LY6G5C: variants seen among roughly 807,000 people sequenced by gnomAD.
The protein encoded by LY6G5C is lymphocyte antigen 6 complex locus protein G5c.
LY6G5C carries 6 observed loss-of-function variants against 10.5 expected under a neutral mutation model. That is an observed-to-expected ratio of 0.57 (90% CI 0.31 to 1.12). LY6G5C has a LOEUF of 1.12. Ranked by LOEUF, LY6G5C falls within the 50% of genes most tolerant of loss-of-function variation. The probability of loss-of-function intolerance (pLI) is 0.05; values close to 1 mark genes in which losing one functional copy is unlikely to be tolerated. For missense variants in LY6G5C, 160 were observed against 185.5 expected (o/e 0.86, Z 0.80); for synonymous variants, 69 against 67.8 (o/e 1.02, Z -0.09).
chr6:31,680,487 G>T, upstream of LY6G5C: 1 of 1,285,476 alleles, frequency 7.8e-7, no homozygotes, highest in Non-Finnish European at 1.1e-6. This position sits in a 1 kb window ranked among gnomAD's most constrained non-coding sequence, Gnocchi z 4.5. Flanking sequence ...CCAGCCAGAG[G>T]GGCAGAATGT....
upstream of LY6G5C, among the ~76,000 whole-genome samples, chr6:31,680,908 G>C (rs563297910): frequency 6.6e-6 from 1 of 152,182 alleles, no homozygotes; most frequent in Non-Finnish European, 1.5e-5. This position sits in a 1 kb window ranked among gnomAD's most constrained non-coding sequence, Gnocchi z 4.5. Flanking sequence ...TGGTCCGGCA[G>C]AAGACGAGCA....
intron 2 of LY6G5C, among the ~76,000 whole-genome samples, chr6:31,677,901 G>A (rs147849198): frequency 1.3e-5 from 2 of 152,146 alleles, no homozygotes; most frequent in East Asian, 1.9e-4. Flanking sequence ...GGGTAGTAGC[G>A]GGAGACTTTG....
Position 31,679,236 on chromosome 6 carries a change from GA to G in LY6G5C, c.153del (p.Gln52AsnfsTer21). 6.2e-7 allele frequency: 1 copy of G among 1,613,000 alleles called. No homozygotes were observed. The highest frequency in any genetic ancestry group is 1.1e-5 in the South Asian group (1 of 91,082). On this transcript the variant is annotated frameshift_variant, in exon 2 of 3. Coordinates refer to ENST00000383237, the Ensembl canonical transcript of LY6G5C. LOFTEE classifies it high-confidence loss of function. The surrounding 1 kb of genome is among the most constrained non-coding windows in gnomAD (Gnocchi z 4.4). ...AGGTATTTGGGGAATGGAAGTGGTT[GA>G]GGGGGTTCCCAATTGACAGGAACAA... is the stretch of plus-strand genomic sequence containing the variant.
Position 31,680,034 on chromosome 6 carries a change from G to C in LY6G5C, c.121+219C>G, listed in dbSNP as rs951110140. 2.1e-6 allele frequency: 1 copy of C among 474,610 alleles called. No individual in the cohort carries two copies. The highest frequency in any genetic ancestry group is 3.8e-6 in the Non-Finnish European group (1 of 265,256). 29.4% of individuals were successfully genotyped at this position (474,610 alleles called of 1,614,324 possible). On this transcript the variant is annotated intron_variant, in intron 1 of 2. Coordinates refer to ENST00000383237, the Ensembl canonical transcript of LY6G5C. This position sits in a 1 kb window ranked among gnomAD's most constrained non-coding sequence, Gnocchi z 4.5. ...TGCACTCCGGCCTGGGATACAGAGC[G>C]AGACTCCATCTCAAAAATAATAATA...
At chr6:31,676,864 T>A in exon 3 of LY6G5C, 1 of 1,274,684 alleles carries the variant, frequency 7.8e-7, no homozygotes, top group South Asian at 1.3e-5. Context: ...AGGGCTGGTA[T>A]GAGGGACTAG....
rs151070492 is a variant in LY6G5C at position 31,678,253 on chromosome 6, A to G, written c.289+848T>C. Among the ~76,000 whole-genome samples the G allele has an allele frequency of 4.5e-4, 68 of 152,306 alleles. 3 individuals are homozygous for G. The East Asian group carries it at 0.013, about 29-fold the overall frequency. ...AAGAGCAGGCATCGGGAAGGAGTCA[A>G]TTTTCAGCGAGGGAGATGTCCAGTG... On this transcript the variant is annotated intron_variant, in intron 2 of 2. Coordinates refer to ENST00000383237, the Ensembl canonical transcript of LY6G5C.
At position 31,677,649 on chromosome 6, in the gene LY6G5C, C is replaced by G. The variant is rs9469032; in HGVS notation, c.290-529G>C. ...TATGCGCATGCTATGGAGTAGTATA[C>G]AGCAGGTCAATAAAACAAGGAAGCT... On this transcript the variant is annotated intron_variant, in intron 2 of 2. Coordinates refer to ENST00000383237, the Ensembl canonical transcript of LY6G5C. Among the ~76,000 whole-genome samples, 864 of 152,198 alleles carry G rather than the reference C, an allele frequency of 5.7e-3. 3 individuals are homozygous for G. Among genetic ancestry groups the G allele is most frequent in the East Asian group, 0.017 (89 of 5,192 alleles).
At chr6:31,676,761 G>A in exon 3 of LY6G5C, 4 of 556,298 alleles carry the variant, frequency 7.2e-6, no homozygotes, top group Non-Finnish European at 1.3e-5. Flanking sequence ...TGGGCAGTAG[G>A]GCTGGGGGTA....
At chr6:31,677,150 C>G in intron 2 of LY6G5C, 30 bp from the exon 3 acceptor site, 1 of 1,607,636 alleles carries the variant, frequency 6.2e-7, no homozygotes, top group South Asian at 1.1e-5. Context: ...ACCAGTGATA[C>G]GGAAGTCCCC....
chr6:31,678,146 G>A (rs1229025968), intron 2 of LY6G5C, among the ~76,000 whole-genome samples: 1 of 152,094 alleles, frequency 6.6e-6, no homozygotes, highest in East Asian at 1.9e-4. Flanking sequence ...CTGCCTCAGC[G>A]GATTGCAAGT....
chr6:31,680,631 G>A (rs1305227646), upstream of LY6G5C, among the ~76,000 whole-genome samples: 1 of 152,188 alleles, frequency 6.6e-6, no homozygotes, highest in Non-Finnish European at 1.5e-5. The surrounding 1 kb of genome is among the most constrained non-coding windows in gnomAD (Gnocchi z 4.5). Context: ...AGATGCTGGG[G>A]ATACAACCCT....
In LY6G5C at chr6:31,680,226, C is replaced by T. The variant is rs1802809971; in HGVS notation, c.121+27G>A. 3.1e-6 allele frequency: 5 copies of T among 1,612,788 alleles called. No homozygotes were observed. Among genetic ancestry groups the T allele is most frequent in the Non-Finnish European group, 4.2e-6 (5 of 1,179,980 alleles). Reference sequence around the variant, plus strand: ...GGGTTTCTCCATCCAGGCCAGGAGACCCTTCTGAACCCTTGGAGCCACTTA... The same window carrying T: ...GGGTTTCTCCATCCAGGCCAGGAGATCCTTCTGAACCCTTGGAGCCACTTA... On this transcript the variant is annotated intron_variant, in intron 1 of 2. Coordinates refer to ENST00000383237, the Ensembl canonical transcript of LY6G5C. This position sits in a 1 kb window ranked among gnomAD's most constrained non-coding sequence, Gnocchi z 4.5.
Position 31,677,116 on chromosome 6 carries a change from G to A in LY6G5C, c.294C>T (p.Ser98=), listed in dbSNP as rs571374646. Residue 98 remains serine (S), a synonymous_variant, in exon 3 of 3, where the codon AGC becomes AGT. Coordinates refer to ENST00000383237, the Ensembl canonical transcript of LY6G5C. ...AGTCACTCACCATGACGTCAGAACC[G>A]CTGCCTGGGGAGGGACAGTGGGCAC... 7.4e-6 allele frequency: 12 copies of A among 1,612,196 alleles called. No individual in the cohort carries two copies. In the Admixed American group the frequency reaches 1.5e-4, roughly 20 times the overall value.
chr6:31,680,209 C>G lies in LY6G5C; in HGVS notation c.121+44G>C. The G allele has an allele frequency of 6.2e-7, 1 of 1,612,578 alleles. No individual in the cohort carries two copies. Among genetic ancestry groups the G allele is most frequent in the African/African-American group, 1.3e-5 (1 of 75,024 alleles). On this transcript the variant is annotated intron_variant, in intron 1 of 2. Coordinates refer to ENST00000383237, the Ensembl canonical transcript of LY6G5C. The surrounding 1 kb of genome is among the most constrained non-coding windows in gnomAD (Gnocchi z 4.5). ...AGACACTTGGTGTCTGTGGGTTTCT[C>G]CATCCAGGCCAGGAGACCCTTCTGA... is the stretch of plus-strand genomic sequence containing the variant.
rs138474731 is a variant in LY6G5C at position 31,679,786 on chromosome 6, G to A, written c.121+467C>T. ...TCAGAGGCTGGGTGCGGTGGCTCACGCCTGTAATCCCAGCACTTTGGGAGG... is the reference window on the plus strand; with the variant it reads ...TCAGAGGCTGGGTGCGGTGGCTCACACCTGTAATCCCAGCACTTTGGGAGG... On this transcript the variant is annotated intron_variant, in intron 1 of 2. Coordinates refer to ENST00000383237, the Ensembl canonical transcript of LY6G5C. This position sits in a 1 kb window ranked among gnomAD's most constrained non-coding sequence, Gnocchi z 4.4. 4.9e-3 allele frequency: 935 copies of A among 189,256 alleles called. 17 individuals carry two copies. The highest frequency in any genetic ancestry group is 0.031 in the Admixed American group (574 of 18,746). The allele number at this position is 189,256 out of a possible 1,614,324, so 11.7% of individuals were successfully genotyped here.
In LY6G5C at chr6:31,679,191, A is replaced by G; in HGVS notation, c.199T>C (p.Leu67=). The G allele has an allele frequency of 6.2e-7, 1 of 1,613,042 alleles. No individual in the cohort carries two copies. Among genetic ancestry groups the G allele is most frequent in the South Asian group, 1.1e-5 (1 of 91,088 alleles). The change falls in exon 2 of 3, where the codon TTG becomes CTG. Residue 67 remains leucine (L), a synonymous_variant. Coordinates refer to ENST00000383237, the Ensembl canonical transcript of LY6G5C. This position sits in a 1 kb window ranked among gnomAD's most constrained non-coding sequence, Gnocchi z 4.4. The stretch of plus-strand genomic sequence containing the variant: ...AGGCACCCTAACTCCTTGGTCTCCA[A>G]GAGGCATCGGTAGCAGCGCAGGTAT...
chr6:31,681,000 G>T (rs1452114061), upstream of LY6G5C, among the ~76,000 whole-genome samples: 1 of 151,260 alleles, frequency 6.6e-6, no homozygotes, highest in Non-Finnish European at 1.5e-5. This position sits in a 1 kb window ranked among gnomAD's most constrained non-coding sequence, Gnocchi z 4.5. Context: ...CGAGGGGTGA[G>T]GGAACAGGGG....
chr6:31,678,979 A>AT, intron 2 of LY6G5C, 122 bp downstream of exon 2: 1 of 1,139,740 alleles, frequency 8.8e-7, no homozygotes, highest in Non-Finnish European at 1.3e-6. Context: ...CAAAAAAAAA[A>AT]AGACAGGATT....
intron 2 of LY6G5C, 118 bp downstream of exon 2, chr6:31,678,983 C>G: frequency 9.0e-7 from 1 of 1,112,146 alleles, no homozygotes; most frequent in Non-Finnish European, 1.3e-6. Context: ...AAAAAAAAGA[C>G]AGGATTGGAG....
Sources: allele counts gnomAD v4.1 joint callset (sites outside exome capture counted in the v4.1 genomes callset), GRCh38; gene constraint gnomAD v4.1.1; non-coding constraint Gnocchi (gnomAD v3.1); transcripts MANE v1.5; gene names NCBI Gene and HGNC (gene_info 2026-07-23, HGNC 2026-07-21).